Variants in SUPT3H observed in about 807,000 individuals in gnomAD.
The protein encoded by SUPT3H is SPT3 homolog, SAGA and STAGA complex component.
A neutral mutation model predicts 44.3 loss-of-function variants in SUPT3H; 44 were observed. That is an observed-to-expected ratio of 0.99 (90% CI 0.78 to 1.28). SUPT3H has a LOEUF of 1.28. Ranked by LOEUF, SUPT3H falls within the 50% of genes most tolerant of loss-of-function variation. SUPT3H has a pLI of 0.00. For synonymous variants in SUPT3H, 124 were observed against 125.6 expected, an observed-to-expected ratio of 0.99 and a Z score of 0.09; for missense variants, 380 against 387.1, an observed-to-expected ratio of 0.98 and a Z score of 0.15.
At position 45,204,241 on chromosome 6, in the gene SUPT3H, C is replaced by T. The variant is rs1474304709; in HGVS notation, c.102-98235G>A. On this transcript the variant is annotated intron_variant, in intron 2 of 10. Coordinates refer to ENST00000371459, the MANE Select transcript of SUPT3H (RefSeq NM_003599.4). ...CAGTCTGGGTGACAGAGCAAGATTC[C>T]GTCTCAAAAAAGAAGAAGAAGAAGA... is the stretch of plus-strand genomic sequence containing the variant. 5.4e-4 allele frequency among the ~76,000 whole-genome samples: 18 copies of T among 33,390 alleles called. No homozygotes were observed. The East Asian group carries it at 7.0e-3, about 13-fold the overall frequency. 21.9% of individuals were successfully genotyped at this position (33,390 alleles called of 152,430 possible). A position where few individuals can be genotyped will look rare whatever the true frequency, so the allele number is the denominator to read the frequency against.
chr6:45,355,154 T>TA (rs1220060302), intron 2 of SUPT3H, among the ~76,000 whole-genome samples: 2 of 150,454 alleles, frequency 1.3e-5, no homozygotes, highest in African/African-American at 2.4e-5. Context: ...TTTTTTTTTT[T>TA]AGAGATGGGG....
intron 2 of SUPT3H, among the ~76,000 whole-genome samples, chr6:45,286,765 A>T (rs1423762469): frequency 1.3e-5 from 2 of 152,118 alleles, no homozygotes; most frequent in Admixed American, 6.6e-5. Flanking sequence ...GGATTATAAA[A>T]CATGCTGCTA....
intron 11 of SUPT3H, among the ~76,000 whole-genome samples, chr6:44,814,908 C>T (rs937333522): frequency 1.3e-5 from 2 of 152,034 alleles, no homozygotes; most frequent in South Asian, 4.1e-4. Context: ...AACTCTTGGC[C>T]TCAAGTGATA....
chr6:45,138,792 C>T (rs1263535501), intron 2 of SUPT3H, among the ~76,000 whole-genome samples: 1 of 152,094 alleles, frequency 6.6e-6, no homozygotes, highest in Non-Finnish European at 1.5e-5. Context: ...GTTATGGTTA[C>T]ACAACTCTAT....
chr6:44,904,845 G>C (rs912849859), intron 10 of SUPT3H, among the ~76,000 whole-genome samples: 1 of 152,116 alleles, frequency 6.6e-6, no homozygotes, highest in African/African-American at 2.4e-5. Flanking sequence ...GAACAGAACA[G>C]AGCCCTCAGA....
At chr6:45,322,258 T>A (rs1300177445) in intron 2 of SUPT3H, among the ~76,000 whole-genome samples, 2 of 152,066 alleles carry the variant, frequency 1.3e-5, no homozygotes, top group South Asian at 2.1e-4. Flanking sequence ...ATTATGCCTA[T>A]GCATCAAGAA....
chr6:45,260,152 C>T (rs990629057), intron 2 of SUPT3H, among the ~76,000 whole-genome samples: 1 of 152,134 alleles, frequency 6.6e-6, no homozygotes, highest in African/African-American at 2.4e-5. Context: ...AAAATCAGCC[C>T]TGTAACACCT....
chr6:44,849,522 C>T (rs1332598777), intron 10 of SUPT3H, among the ~76,000 whole-genome samples: 2 of 152,108 alleles, frequency 1.3e-5, no homozygotes, highest in South Asian at 2.1e-4. Context: ...CCACCGCGCC[C>T]GGCCATGAAT....
chr6:45,145,232 A>G (rs944528994), intron 2 of SUPT3H, among the ~76,000 whole-genome samples: 1 of 152,148 alleles, frequency 6.6e-6, no homozygotes, highest in Non-Finnish European at 1.5e-5. Flanking sequence ...CAAAAAGAAC[A>G]AATCTAGAGG....
At chr6:45,143,231 C>A (rs980722379) in intron 2 of SUPT3H, among the ~76,000 whole-genome samples, 1 of 152,052 alleles carries the variant, frequency 6.6e-6, no homozygotes, top group African/African-American at 2.4e-5. Flanking sequence ...GAAAATTCTA[C>A]CCAACAACTG....
intron 2 of SUPT3H, among the ~76,000 whole-genome samples, chr6:45,196,599 G>A (rs936647003): frequency 1.3e-5 from 2 of 151,966 alleles, no homozygotes; most frequent in East Asian, 3.9e-4. Flanking sequence ...CAGTTTCTTT[G>A]GTTATGTTTA....
At chr6:45,229,049 G>A (rs970012044) in intron 2 of SUPT3H, among the ~76,000 whole-genome samples, 1 of 151,998 alleles carries the variant, frequency 6.6e-6, no homozygotes, top group Non-Finnish European at 1.5e-5. Flanking sequence ...GAATTAACAA[G>A]CACTCCAAAA....
intron 2 of SUPT3H, among the ~76,000 whole-genome samples, chr6:45,172,082 T>C (rs551237410): frequency 1.3e-5 from 2 of 150,540 alleles, no homozygotes; most frequent in Non-Finnish European, 3.0e-5. Flanking sequence ...CTTTTTTTTT[T>C]TTTCTTTTTG....
At chr6:44,926,398 T>C (rs983713213) in intron 10 of SUPT3H, among the ~76,000 whole-genome samples, 3 of 151,958 alleles carry the variant, frequency 2.0e-5, no homozygotes, top group Non-Finnish European at 4.4e-5. Flanking sequence ...TTAAGATAAA[T>C]GGAGAACTGG....
intron 3 of SUPT3H, among the ~76,000 whole-genome samples, chr6:45,087,995 A>C (rs920458209): frequency 1.3e-5 from 2 of 152,070 alleles, no homozygotes; most frequent in African/African-American, 4.8e-5. Context: ...GCTGTTTCTT[A>C]TTTCAATGAT....
Position 44,829,877 on chromosome 6 carries a change from CT to C in SUPT3H, c.913-21del, listed in dbSNP as rs1245434480. On this transcript the variant is annotated intron_variant, in intron 10 of 10. Transcript: ENST00000371459. ...GGCATTCTGTCAAAGAAAAAGAAAT[CT>C]GCAATGAATTATCACATGAAGTCAA... The C allele has an allele frequency of 6.2e-7, 1 of 1,612,510 alleles. No individual in the cohort carries two copies.
chr6:44,905,889 C>A (rs1765963724), intron 10 of SUPT3H, among the ~76,000 whole-genome samples: 1 of 152,100 alleles, frequency 6.6e-6, no homozygotes, highest in African/African-American at 2.4e-5. Context: ...ATGGATGAAG[C>A]TGGAAACCAT....
chr6:45,157,985 C>T (rs556219992), intron 2 of SUPT3H, among the ~76,000 whole-genome samples: 24 of 149,294 alleles, frequency 1.6e-4, no homozygotes, highest in Admixed American at 4.7e-4. Context: ...ATTAATAATA[C>T]GTAATTATAA....
chr6:45,325,253 AG>A (rs1786168464), intron 2 of SUPT3H, among the ~76,000 whole-genome samples: 3 of 151,964 alleles, frequency 2.0e-5, no homozygotes, highest in Middle Eastern at 3.4e-3. Context: ...GCAGCAAATA[AG>A]TCTAAAATAA....
Sources: allele counts gnomAD v4.1 joint callset (sites outside exome capture counted in the v4.1 genomes callset), GRCh38; gene constraint gnomAD v4.1.1; transcripts MANE v1.5; gene names NCBI Gene and HGNC (gene_info 2026-07-23, HGNC 2026-07-21).